CAMTA1: variants seen among roughly 807,000 people sequenced by gnomAD.
The protein encoded by CAMTA1 is calmodulin-binding transcription activator 1.
In CAMTA1, 27 loss-of-function variants were observed where a neutral mutation model predicts 170.9. That is an observed-to-expected ratio of 0.16 (90% CI 0.12 to 0.22). The LOEUF (loss-of-function observed/expected upper bound fraction) is 0.22. Ranked by LOEUF, CAMTA1 falls within the 10% of genes least tolerant of loss-of-function variation. The pLI, the probability that CAMTA1 is intolerant of heterozygous loss-of-function variation, is 1.00. For missense variants in CAMTA1, 1,619 were observed against 2,217.2 expected (o/e 0.73, Z 5.42); for synonymous variants, 833 against 891.5 (o/e 0.93, Z 1.17).
intron 4 of CAMTA1, among the ~76,000 whole-genome samples, chr1:7,156,598 G>A (rs181545497): frequency 1.8e-4 from 28 of 152,344 alleles, no homozygotes; most frequent in African/African-American, 6.7e-4. Flanking sequence ...ATACAAAATA[G>A]GGTAAGGAAT....
intron 6 of CAMTA1, among the ~76,000 whole-genome samples, chr1:7,493,656 G>A (rs1021397322): frequency 3.1e-5 from 4 of 128,836 alleles, no homozygotes; most frequent in Admixed American, 1.5e-4. Context: ...GGGGGGGGGG[G>A]GGTCAGCGGA....
At chr1:7,620,466 C>T (rs1000548821) in intron 6 of CAMTA1, among the ~76,000 whole-genome samples, 1 of 152,196 alleles carries the variant, frequency 6.6e-6, no homozygotes, top group Non-Finnish European at 1.5e-5. Context: ...TGACTGGAAG[C>T]TGGAGAACAC....
At position 7,665,250 on chromosome 1, in the gene CAMTA1, G is replaced by A. The variant is rs375467945; in HGVS notation, c.2652+51G>A. ...TGTCACCTCCCCTCCCACCCACCTC[G>A]CCAGCCCCTGCGCCACCCTGCAGCT... On this transcript the variant is annotated intron_variant, in intron 9 of 22. Coordinates refer to ENST00000303635, the MANE Select transcript of CAMTA1 (RefSeq NM_015215.4). The surrounding 1 kb of genome is among the most constrained non-coding windows in gnomAD (Gnocchi z 4.3). 172 of 1,390,940 alleles carry A rather than the reference G, an allele frequency of 1.2e-4. 1 individual carries two copies. The highest frequency in any genetic ancestry group is 4.9e-4 in the Middle Eastern group (2 of 4,108). The allele number at this position is 1,390,940 out of a possible 1,614,324, so 86.2% of individuals were successfully genotyped here. A position where few individuals can be genotyped will look rare whatever the true frequency, so the allele number is the denominator to read the frequency against.
intron 6 of CAMTA1, among the ~76,000 whole-genome samples, chr1:7,625,726 G>T (rs2095628846): frequency 6.6e-6 from 1 of 152,258 alleles, no homozygotes; most frequent in African/African-American, 2.4e-5. Context: ...ATGGGGTCTG[G>T]ATGGGCGTTG....
At chr1:7,281,506 A>T (rs1270837205) in intron 5 of CAMTA1, among the ~76,000 whole-genome samples, 1 of 152,230 alleles carries the variant, frequency 6.6e-6, no homozygotes, top group Non-Finnish European at 1.5e-5. Flanking sequence ...GCAGCAAAGT[A>T]GGAAAACAAT....
rs1161721983 is a variant in CAMTA1, at chr1:7,275,164, G to GA, written c.438+25540dup. Among the ~76,000 whole-genome samples, 111 of 128,548 alleles carry GA rather than the reference G, an allele frequency of 8.6e-4. 3 individuals are homozygous for GA. Among genetic ancestry groups the GA allele is most frequent in the Non-Finnish European group, 1.3e-3 (85 of 63,760 alleles). 84.3% of individuals were successfully genotyped at this position (128,548 alleles called of 152,430 possible). On this transcript the variant is annotated intron_variant, in intron 5 of 22. Transcript: ENST00000303635. Reference sequence around the variant, plus strand: ...TCCATCTCAAAAAAAAAAAAAAAAAGAAGAAAGAAAATATTTTGAAATGAA... The same window carrying GA: ...TCCATCTCAAAAAAAAAAAAAAAAAGAAAGAAAGAAAATATTTTGAAATGAA...
At chr1:7,109,062 C>A (rs1643869083) in intron 4 of CAMTA1, among the ~76,000 whole-genome samples, 1 of 152,244 alleles carries the variant, frequency 6.6e-6, no homozygotes, top group African/African-American at 2.4e-5. Context: ...ACATGGGCCT[C>A]TCCAACAGGG....
At chr1:7,073,475 G>A (rs1348648241) in intron 3 of CAMTA1, among the ~76,000 whole-genome samples, 2 of 152,116 alleles carry the variant, frequency 1.3e-5, no homozygotes, top group Non-Finnish European at 2.9e-5. Context: ...AGTGGAGATG[G>A]TGAACAAGGC....
At chr1:7,688,999 T>A (rs913210963) in intron 11 of CAMTA1, among the ~76,000 whole-genome samples, 1 of 151,650 alleles carries the variant, frequency 6.6e-6, no homozygotes, top group African/African-American at 2.4e-5. Context: ...CAGTGGCTCA[T>A]GCCTGTAATC....
intron 3 of CAMTA1, among the ~76,000 whole-genome samples, chr1:6,901,000 A>AGC (rs1676814730): frequency 6.6e-6 from 1 of 152,264 alleles, no homozygotes; most frequent in Non-Finnish European, 1.5e-5. Context: ...GACTTCCTGT[A>AGC]ATGCTACAGT....
chr1:7,611,952 C>G (rs749958514), intron 6 of CAMTA1, among the ~76,000 whole-genome samples: 2 of 152,230 alleles, frequency 1.3e-5, no homozygotes, highest in African/African-American at 4.8e-5. Context: ...AGCTGCCATG[C>G]GCCCACTGGG....
rs183132269 is a variant in CAMTA1, at chr1:7,465,781, T to G, written c.439-2049T>G. Reference sequence around the variant, plus strand: ...TTGGTGTTTGGGAAATTCTCACCTCTGAGTGTGGGGTTCAGAGATGCTGAA... The same window carrying G: ...TTGGTGTTTGGGAAATTCTCACCTCGGAGTGTGGGGTTCAGAGATGCTGAA... On this transcript the variant is annotated intron_variant, in intron 5 of 22. Coordinates refer to ENST00000303635, the MANE Select transcript of CAMTA1 (RefSeq NM_015215.4). 6.7e-4 allele frequency among the ~76,000 whole-genome samples: 102 copies of G among 152,256 alleles called. 1 individual carries two copies. Among genetic ancestry groups the G allele is most frequent in the Non-Finnish European group, 1.1e-3 (74 of 68,026 alleles).
chr1:7,375,883 G>C (rs906969590), intron 5 of CAMTA1, among the ~76,000 whole-genome samples: 1 of 152,230 alleles, frequency 6.6e-6, no homozygotes, highest in Admixed American at 6.5e-5. Flanking sequence ...GTGGACAGAA[G>C]GGGGCAGGGA....
In CAMTA1 at chr1:7,456,428, CTTTA is replaced by C. The variant is rs1442050805; in HGVS notation, c.439-11396_439-11393del. On this transcript the variant is annotated intron_variant, in intron 5 of 22. Coordinates refer to ENST00000303635, the MANE Select transcript of CAMTA1 (RefSeq NM_015215.4). The surrounding 1 kb of genome is among the most constrained non-coding windows in gnomAD (Gnocchi z 4.9). ...TTTTGATGAAAGAGAGGGAATTTCA[CTTTA>C]TTTATATATTATTTATGCCCAGTAC... Among the ~76,000 whole-genome samples the C allele has an allele frequency of 1.3e-5, 2 of 152,168 alleles. No individual in the cohort carries two copies. The highest frequency in any genetic ancestry group is 4.8e-5 in the African/African-American group (2 of 41,442).
At chr1:7,720,048 C>A (rs567328441) in intron 11 of CAMTA1, among the ~76,000 whole-genome samples, 2 of 152,376 alleles carry the variant, frequency 1.3e-5, no homozygotes, top group South Asian at 4.1e-4. Context: ...TTTTCTTCTC[C>A]TCTGGCAACA....
At chr1:6,788,287 C>A (rs1640016269) in intron 1 of CAMTA1, among the ~76,000 whole-genome samples, 1 of 151,932 alleles carries the variant, frequency 6.6e-6, no homozygotes, top group Non-Finnish European at 1.5e-5. Flanking sequence ...TCCTCCCCAA[C>A]AAGTTCCGTT....
chr1:7,480,779 C>G (rs902637552), intron 6 of CAMTA1, among the ~76,000 whole-genome samples: 1 of 152,192 alleles, frequency 6.6e-6, no homozygotes, highest in African/African-American at 2.4e-5. Flanking sequence ...GGGATCATCT[C>G]ATCCAGCCCC....
chr1:6,953,634 C>T (rs1338902736), intron 3 of CAMTA1, among the ~76,000 whole-genome samples: 1 of 152,240 alleles, frequency 6.6e-6, no homozygotes, highest in African/African-American at 2.4e-5. Flanking sequence ...TTGTCACCTC[C>T]TTATGCCCAG....
At chr1:6,942,281 C>A (rs892632074) in intron 3 of CAMTA1, among the ~76,000 whole-genome samples, 5 of 152,146 alleles carry the variant, frequency 3.3e-5, no homozygotes, top group Non-Finnish European at 5.9e-5. Context: ...TGACATTAAC[C>A]TTATATATGT....
Sources: allele counts gnomAD v4.1 joint callset (sites outside exome capture counted in the v4.1 genomes callset), GRCh38; gene constraint gnomAD v4.1.1; non-coding constraint Gnocchi (gnomAD v3.1); transcripts MANE v1.5; gene names NCBI Gene and HGNC (gene_info 2026-07-23, HGNC 2026-07-21).